Variants in TRPM8 observed in about 807,000 individuals in gnomAD.
The protein encoded by TRPM8 is transient receptor potential cation channel subfamily M member 8.
TRPM8 carries 110 observed loss-of-function variants against 133.7 expected under a neutral mutation model. The observed-to-expected ratio is 0.82, with a 90% CI of 0.70 to 0.96. TRPM8 has a LOEUF of 0.96. Among genes scored for constraint, TRPM8 ranks in the 40% least tolerant of loss-of-function variants. The pLI, the probability that TRPM8 is intolerant of heterozygous loss-of-function variation, is 0.00. For synonymous variants in TRPM8, 535 were observed against 532.3 expected (o/e 1.01, Z -0.07); for missense variants, 1,291 against 1,379.5 (o/e 0.94, Z 1.02).
chr2:234,014,767 G>T, intron 25 of TRPM8, 113 bp downstream of exon 25: 4 of 394,724 alleles, frequency 1.0e-5, no homozygotes, highest in Non-Finnish European at 1.7e-5. Context: ...TACCAAATTT[G>T]AAAATAATGC....
intron 17 of TRPM8, among the ~76,000 whole-genome samples, chr2:233,972,000 A>G (rs969891811): frequency 3.3e-5 from 5 of 152,104 alleles, no homozygotes; most frequent in African/African-American, 1.2e-4. Context: ...AAGGTTCTCC[A>G]GGTCCCCACT....
chr2:233,917,859 A>G (rs1691332833), intron 1 of TRPM8, among the ~76,000 whole-genome samples: 1 of 152,206 alleles, frequency 6.6e-6, no homozygotes, highest in Non-Finnish European at 1.5e-5. Context: ...TGAAATGTAA[A>G]TTAACATCAA....
chr2:233,928,538 A>G (rs1030859670), intron 2 of TRPM8, among the ~76,000 whole-genome samples: 1 of 152,214 alleles, frequency 6.6e-6, no homozygotes, highest in African/African-American at 2.4e-5. Flanking sequence ...GATTACACAG[A>G]TTACACAGCT....
rs747678957 is a variant in TRPM8 at position 234,006,853 on chromosome 2, G to C, written c.3131G>C (p.Cys1044Ser). ...TGTTTTCTTTTTCTCATTATTCAAG[G>C]TTTCAAAAATGAAGACAATGAGACT... ...KEKNMESSVCCFKNEDNETLA... is the reference protein window; with the variant it reads ...KEKNMESSVCSFKNEDNETLA... Residue 1044 changes from cysteine (C) to serine (S), a missense_variant and splice_region_variant, in exon 23 of 26, where the codon TGT becomes TCT. Coordinates refer to ENST00000324695, the MANE Select transcript of TRPM8 (RefSeq NM_024080.5). 2 of 1,607,822 alleles carry C rather than the reference G, an allele frequency of 1.2e-6. No individual in the cohort carries two copies. The highest frequency in any genetic ancestry group is 8.5e-7 in the Non-Finnish European group (1 of 1,174,912).
intron 9 of TRPM8, among the ~76,000 whole-genome samples, chr2:233,951,439 G>A (rs116579871): frequency 0.013 from 1,928 of 152,224 alleles, 46 homozygotes; most frequent in African/African-American, 0.043. Flanking sequence ...CACCAAAGAT[G>A]GCCCCAGGTC....
At chr2:233,938,899 A>T in intron 4 of TRPM8, 99 bp from the exon 5 acceptor site, 1 of 1,369,954 alleles carries the variant, frequency 7.3e-7, no homozygotes, top group Non-Finnish European at 1.0e-6. Context: ...CCTCTTCTAG[A>T]AGCAGGCAAG....
intron 18 of TRPM8, among the ~76,000 whole-genome samples, chr2:233,981,250 G>T (rs1449764057): frequency 6.6e-6 from 1 of 152,112 alleles, no homozygotes; most frequent in Non-Finnish European, 1.5e-5. Flanking sequence ...TAAGGTTTCA[G>T]CATTTGAGCC....
intron 8 of TRPM8, among the ~76,000 whole-genome samples, chr2:233,949,448 G>A (rs1418356849): frequency 1.3e-5 from 2 of 152,148 alleles, no homozygotes; most frequent in African/African-American, 2.4e-5. Flanking sequence ...TTAATAACAG[G>A]AGCAGGGGAA....
chr2:233,923,960 A>G (rs1012857810), intron 1 of TRPM8, among the ~76,000 whole-genome samples: 3 of 152,268 alleles, frequency 2.0e-5, no homozygotes, highest in African/African-American at 7.2e-5. Flanking sequence ...CATGCTGGGC[A>G]GAAAGAAGAG....
intron 12 of TRPM8, among the ~76,000 whole-genome samples, chr2:233,961,625 CTTTTCTTTTT>C (rs1559530356): frequency 3.3e-5 from 4 of 119,604 alleles, no homozygotes; most frequent in East Asian, 5.8e-4. Context: ...CTTTTCTTTT[CTTTTCTTTTT>C]TTTTTTTTTT....
rs201387728 is a variant in TRPM8 at position 233,983,058 on chromosome 2, C to T, written c.2595C>T (p.Ile865=). Residue 865 remains isoleucine (I), a synonymous_variant, in exon 20 of 26, where the codon ATC becomes ATT. Coordinates refer to ENST00000324695, the MANE Select transcript of TRPM8 (RefSeq NM_024080.5). ...CTCCTGTCCTCCCCTGACAGCTGAT[C>T]GATGTGTTCTTCTTCCTGTTCCTCT... ...PKIIMLQRML[I]DVFFFLFLFA... 201 of 1,611,960 alleles carry T rather than the reference C, an allele frequency of 1.2e-4. No homozygotes were observed. The highest frequency in any genetic ancestry group is 1.2e-4 in the Non-Finnish European group (143 of 1,178,300).
chr2:233,980,781 A>T (rs1691987018), intron 18 of TRPM8, among the ~76,000 whole-genome samples: 1 of 152,244 alleles, frequency 6.6e-6, no homozygotes, highest in African/African-American at 2.4e-5. Context: ...TGGGATTAGA[A>T]AAACCAACCA....
intron 6 of TRPM8, among the ~76,000 whole-genome samples, chr2:233,945,432 C>G (rs1207943674): frequency 6.6e-6 from 1 of 152,178 alleles, no homozygotes; most frequent in East Asian, 1.9e-4. Context: ...AGATTCCAGA[C>G]AGCTATGTAT....
intron 24 of TRPM8, among the ~76,000 whole-genome samples, chr2:234,009,608 G>C (rs568840246): frequency 1.3e-5 from 2 of 152,038 alleles, no homozygotes. Flanking sequence ...GCAGAGCCTC[G>C]GCCATCACTC....
intron 17 of TRPM8, among the ~76,000 whole-genome samples, chr2:233,973,217 C>T (rs1034624148): frequency 5.3e-5 from 8 of 152,192 alleles, no homozygotes; most frequent in Non-Finnish European, 7.3e-5. Context: ...GCCATGCCCT[C>T]GGTATTAGTC....
At chr2:233,924,596 G>A (rs552362422) in intron 1 of TRPM8, among the ~76,000 whole-genome samples, 163 of 152,278 alleles carry the variant, frequency 1.1e-3, no homozygotes, top group Non-Finnish European at 1.9e-3. Context: ...ACTGGTCTCA[G>A]AGAACCAGTT....
intron 25 of TRPM8, among the ~76,000 whole-genome samples, chr2:234,016,326 C>A (rs533893113): frequency 7.2e-5 from 11 of 152,210 alleles, no homozygotes; most frequent in Admixed American, 2.6e-4. Flanking sequence ...TTTGGCATGT[C>A]CAACTTTTTG....
intron 12 of TRPM8, among the ~76,000 whole-genome samples, chr2:233,961,363 T>G (rs1419210063): frequency 2.0e-5 from 3 of 152,214 alleles, no homozygotes; most frequent in African/African-American, 7.2e-5. Context: ...TAGAGTGCAG[T>G]GGCCGAATCT....
Position 233,917,427 on chromosome 2 carries a change from C to G in TRPM8, c.-11C>G, listed in dbSNP as rs1054313491. On this transcript the variant is annotated 5_prime_UTR_variant, in exon 1 of 26. Coordinates refer to ENST00000324695, the MANE Select transcript of TRPM8 (RefSeq NM_024080.5). ...AAATCCTGCTTGACAAAAACCGTCA[C>G]TTAGGGTATGTCATCAACTTTTGCT... 1.7e-4 allele frequency: 26 copies of G among 152,294 alleles called. No individual in the cohort carries two copies. Among genetic ancestry groups the G allele is most frequent in the African/African-American group, 6.3e-4 (26 of 41,568 alleles). 9.4% of individuals were successfully genotyped at this position (152,294 alleles called of 1,614,324 possible). A position where few individuals can be genotyped will look rare whatever the true frequency, so the allele number is the denominator to read the frequency against.
Sources: gnomAD v4.1 joint callset for allele counts (sites outside exome capture counted in the v4.1 genomes callset) on GRCh38, gnomAD v4.1.1 for gene constraint, MANE v1.5 for transcripts, NCBI Gene and HGNC (gene_info 2026-07-23, HGNC 2026-07-21) for gene names.